Variants in IFT80 observed in about 807,000 individuals in gnomAD.
IFT80 encodes intraflagellar transport 80, also known as intraflagellar transport protein 80 homolog.
In IFT80, 79 loss-of-function variants were observed where a neutral mutation model predicts 107.9. The observed-to-expected ratio is 0.73, with a 90% CI of 0.61 to 0.88. IFT80 has a LOEUF of 0.88. IFT80 is among the 40% of genes least tolerant of loss of function. The pLI, the probability that IFT80 is intolerant of heterozygous loss-of-function variation, is 0.00. For synonymous variants in IFT80, 299 were observed against 300.9 expected, an observed-to-expected ratio of 0.99 and a Z score of 0.07; for missense variants, 797 against 914.2, an observed-to-expected ratio of 0.87 and a Z score of 1.65.
intron 6 of IFT80, among the ~76,000 whole-genome samples, chr3:160,363,564 T>C (rs910004238): frequency 6.6e-6 from 1 of 152,176 alleles, no homozygotes; most frequent in African/African-American, 2.4e-5. Flanking sequence ...AAGACAATCC[T>C]AAGCAAAAAG....
chr3:160,315,454 C>T (rs189773431), intron 9 of IFT80, among the ~76,000 whole-genome samples: 179 of 152,284 alleles, frequency 1.2e-3, no homozygotes, highest in African/African-American at 3.8e-3. Flanking sequence ...AAGGGAAGCC[C>T]TCTGGGGAGG....
intron 8 of IFT80, among the ~76,000 whole-genome samples, chr3:160,338,373 G>A (rs1719646102): frequency 1.3e-5 from 2 of 152,174 alleles, no homozygotes; most frequent in African/African-American, 2.4e-5. Flanking sequence ...ATCCACAAGG[G>A]AGGAGGATCC....
At chr3:160,334,104 C>T (rs1438952027) in intron 8 of IFT80, among the ~76,000 whole-genome samples, 1 of 152,068 alleles carries the variant, frequency 6.6e-6, no homozygotes, top group Admixed American at 6.6e-5. Context: ...GGTACATGAT[C>T]GTATCACTTT....
chr3:160,374,867 C>T (rs915371884), intron 5 of IFT80, among the ~76,000 whole-genome samples: 4 of 152,106 alleles, frequency 2.6e-5, no homozygotes, highest in Non-Finnish European at 5.9e-5. Flanking sequence ...GAATTTTCTA[C>T]TCATGAATAA....
intron 9 of IFT80, among the ~76,000 whole-genome samples, chr3:160,311,056 T>C (rs1349627309): frequency 6.6e-6 from 1 of 151,394 alleles, no homozygotes; most frequent in Non-Finnish European, 1.5e-5. Context: ...GCTTGGGAGG[T>C]CAAGACTACT....
In IFT80 at chr3:160,292,691, G is replaced by T. The variant is rs374401909; in HGVS notation, c.1316-6823C>A. Among the ~76,000 whole-genome samples the T allele has an allele frequency of 7.1e-4, 108 of 152,166 alleles. 1 individual carries two copies. The highest frequency in any genetic ancestry group is 3.4e-3 in the Middle Eastern group (1 of 294). On this transcript the variant is annotated intron_variant, in intron 12 of 19. Coordinates refer to ENST00000326448, the MANE Select transcript of IFT80 (RefSeq NM_020800.3). ...GACGGGGTTTCACCATGTTGGTCAG[G>T]TTGTTCAAACTCCTGACCTTGTGAT...
intron 9 of IFT80, among the ~76,000 whole-genome samples, chr3:160,312,749 A>T (rs1476996611): frequency 2.3e-5 from 1 of 43,100 alleles, no homozygotes; most frequent in Non-Finnish European, 3.8e-5. Context: ...ATAAATATAT[A>T]ATATATATAT....
chr3:160,303,996 G>A lies in IFT80; in HGVS notation c.1077-7C>T. 1 of 1,580,676 alleles carries A rather than the reference G, an allele frequency of 6.3e-7. No homozygotes were observed. The highest frequency in any genetic ancestry group is 8.7e-7 in the Non-Finnish European group (1 of 1,150,018). On this transcript the variant is annotated splice_polypyrimidine_tract_variant and splice_region_variant and intron_variant, in intron 10 of 19. Transcript: ENST00000326448. ...TGTGTTCCAGTTCTTCGTGCTAAAAGACAAGTAAAATGGATATTTATTAAC... is the reference window on the plus strand; with the variant it reads ...TGTGTTCCAGTTCTTCGTGCTAAAAAACAAGTAAAATGGATATTTATTAAC...
At chr3:160,338,267 T>C (rs986774899) in intron 8 of IFT80, among the ~76,000 whole-genome samples, 2 of 152,150 alleles carry the variant, frequency 1.3e-5, no homozygotes. Flanking sequence ...TCCATATCAG[T>C]GACACCCTTT....
In IFT80 at chr3:160,307,767, A is replaced by G. The variant is rs762999299; in HGVS notation, c.972T>C (p.Leu324=). The G allele has an allele frequency of 6.4e-7, 1 of 1,559,794 alleles. No homozygotes were observed. The highest frequency in any genetic ancestry group is 8.8e-7 in the Non-Finnish European group (1 of 1,130,610). Residue 324 remains leucine, a synonymous_variant, in exon 10 of 20, where the codon CTT becomes CTC. Transcript: ENST00000326448. ...ATTCCAGTAAATCCACTGCATCATTAAGAACATTACGAACCTAAACAAGGA... is the reference window on the plus strand; with the variant it reads ...ATTCCAGTAAATCCACTGCATCATTGAGAACATTACGAACCTAAACAAGGA... ...KRRAMQVRNV[L]NDAVDLLEFR...
intron 18 of IFT80, among the ~76,000 whole-genome samples, chr3:160,269,090 G>A (rs1043131850): frequency 3.3e-5 from 5 of 152,142 alleles, no homozygotes; most frequent in East Asian, 3.9e-4. Context: ...TTAGCTGGGC[G>A]TGGTGGTACA....
intron 1 of IFT80, among the ~76,000 whole-genome samples, chr3:160,392,086 A>G (rs1713429297): frequency 6.6e-6 from 1 of 152,238 alleles, no homozygotes; most frequent in Non-Finnish European, 1.5e-5. Flanking sequence ...GCAGTCCTCT[A>G]GCAGCATATG....
At chr3:160,313,228 T>G (rs186512662) in intron 9 of IFT80, among the ~76,000 whole-genome samples, 1 of 147,304 alleles carries the variant, frequency 6.8e-6, no homozygotes, top group Admixed American at 7.2e-5. Context: ...AATGCCATCT[T>G]CTAGAAACAG....
intron 8 of IFT80, among the ~76,000 whole-genome samples, chr3:160,352,478 T>C (rs1236353652): frequency 3.3e-5 from 5 of 152,118 alleles, no homozygotes; most frequent in Non-Finnish European, 7.4e-5. Flanking sequence ...CATTGCCCAT[T>C]TCAGGACTTA....
At chr3:160,336,471 A>C (rs1005298841) in intron 8 of IFT80, among the ~76,000 whole-genome samples, 6 of 152,180 alleles carry the variant, frequency 3.9e-5, no homozygotes, top group Non-Finnish European at 8.8e-5. Context: ...AAAAATATAC[A>C]AAATATAGTC....
At chr3:160,373,611 T>G (rs971385386) in intron 5 of IFT80, 2 of 164,816 alleles carry the variant, frequency 1.2e-5, no homozygotes, top group Non-Finnish European at 2.6e-5. Flanking sequence ...ATTATACAAC[T>G]CACCATAACA....
At chr3:160,357,195 G>A (rs1721157497) in intron 7 of IFT80, among the ~76,000 whole-genome samples, 1 of 152,070 alleles carries the variant, frequency 6.6e-6, no homozygotes, top group Non-Finnish European at 1.5e-5. Context: ...AACCACCTGT[G>A]CTCAAGTGAT....
intron 6 of IFT80, among the ~76,000 whole-genome samples, chr3:160,365,376 T>C (rs903375404): frequency 6.6e-6 from 1 of 152,106 alleles, no homozygotes; most frequent in Admixed American, 6.6e-5. Context: ...TATGTCCTTA[T>C]TCCCTAAAAT....
At chr3:160,351,261 G>A (rs1297219714) in intron 8 of IFT80, among the ~76,000 whole-genome samples, 2 of 149,956 alleles carry the variant, frequency 1.3e-5, no homozygotes, top group Admixed American at 6.6e-5. Flanking sequence ...ACATTTTCAT[G>A]GTATTATAAA....
Sources: gnomAD v4.1 joint callset for allele counts (sites outside exome capture counted in the v4.1 genomes callset) on GRCh38, gnomAD v4.1.1 for gene constraint, MANE v1.5 for transcripts, NCBI Gene and HGNC (gene_info 2026-07-23, HGNC 2026-07-21) for gene names.